ZNF85: variants seen among roughly 807,000 people sequenced by gnomAD.
The protein encoded by ZNF85 is zinc finger protein 85 (HPF4, HTF1).
ZNF85 carries 50 observed loss-of-function variants against 53.9 expected under a neutral mutation model. That is an observed-to-expected ratio of 0.93 (90% CI 0.74 to 1.17). The LOEUF (loss-of-function observed/expected upper bound fraction) is 1.17, where lower values mean the gene tolerates loss of function less well. Ranked by LOEUF, ZNF85 falls within the 50% of genes most tolerant of loss-of-function variation. ZNF85 has a pLI of 0.00. For missense variants in ZNF85, 747 were observed against 688.5 expected, an observed-to-expected ratio of 1.08 and a Z score of -0.95; for synonymous variants, 225 against 226.1, an observed-to-expected ratio of 1.00 and a Z score of 0.04.
intron 3 of ZNF85, among the ~76,000 whole-genome samples, chr19:20,940,635 A>G (rs113309085): frequency 0.012 from 1,815 of 152,276 alleles, 32 homozygotes; most frequent in African/African-American, 0.034. Flanking sequence ...ACCAAACTCA[A>G]TACCCATTAA....
At chr19:20,937,601 A>AT (rs1468546607) in intron 3 of ZNF85, among the ~76,000 whole-genome samples, 1 of 152,216 alleles carries the variant, frequency 6.6e-6, no homozygotes, top group African/African-American at 2.4e-5. Flanking sequence ...GAGTCTGCTA[A>AT]TGGCAGGGCT....
Position 20,949,200 on chromosome 19 carries a change from C to G in ZNF85, c.686C>G (p.Pro229Arg). 7.4e-6 allele frequency: 12 copies of G among 1,613,308 alleles called. No individual in the cohort carries two copies. Among genetic ancestry groups the G allele is most frequent in the Non-Finnish European group, 1.0e-5 (12 of 1,179,730 alleles). The change falls in exon 4 of 4, where the codon CCT becomes CGT. Residue 229 changes from proline to arginine, a missense_variant. By Grantham distance (103) the Pro-to-Arg change is moderately radical. Transcript: ENST00000328178. The part of the protein sequence containing the change: ...KHKRIHTGEK[P>R]YKCEECGKAF... ...AAGAGAATTCATACGGGAGAGAAAC[C>G]TTACAAATGTGAAGAATGTGGTAAA...
At chr19:20,944,182 GC>G (rs1336457979) in intron 3 of ZNF85, 4 of 153,192 alleles carry the variant, frequency 2.6e-5, no homozygotes, top group African/African-American at 9.7e-5. Context: ...TTTTTATGAT[GC>G]TGTTCAGCAT....
At position 20,933,973 on chromosome 19, in the gene ZNF85, G is replaced by A. The variant is rs780075623; in HGVS notation, c.4-51G>A. 183 of 1,077,518 alleles carry A rather than the reference G, an allele frequency of 1.7e-4. No individual in the cohort carries two copies. The East Asian group carries it at 2.5e-3, about 15-fold the overall frequency. The allele number at this position is 1,077,518 out of a possible 1,614,324, so 66.7% of individuals were successfully genotyped here. A position where few individuals can be genotyped will look rare whatever the true frequency, so the allele number is the denominator to read the frequency against. On this transcript the variant is annotated intron_variant, in intron 1 of 3. Transcript: ENST00000328178. Reference sequence around the variant, plus strand: ...TTGGTAATTATGTGTGTGTGTGTGTGTGTGTGTGTGTGTGTGTGTGTGTGT... The same window carrying A: ...TTGGTAATTATGTGTGTGTGTGTGTATGTGTGTGTGTGTGTGTGTGTGTGT...
chr19:20,926,884 AGGAG>A (rs1432385634), intron 1 of ZNF85: 1 of 152,228 alleles, frequency 6.6e-6, no homozygotes, highest in Non-Finnish European at 1.5e-5. Context: ...ATATTGCAAC[AGGAG>A]GAAGTACCAA....
intron 3 of ZNF85, among the ~76,000 whole-genome samples, chr19:20,939,948 C>T (rs1041894349): frequency 3.3e-5 from 5 of 152,130 alleles, no homozygotes; most frequent in African/African-American, 1.2e-4. Flanking sequence ...CCGCCCACCT[C>T]AGCCTCCCAA....
chr19:20,942,661 T>G (rs1008023023), intron 3 of ZNF85: 14 of 561,256 alleles, frequency 2.5e-5, no homozygotes, highest in African/African-American at 2.3e-4. Flanking sequence ...AAGGGTGTGT[T>G]TTATTTTTAC....
At chr19:20,937,451 GGT>G in intron 3 of ZNF85, 1 of 434,112 alleles carries the variant, frequency 2.3e-6, no homozygotes, top group Non-Finnish European at 4.6e-6. Flanking sequence ...AAGGCTGCTG[GGT>G]CTGCACTAGG....
chr19:20,925,387 G>A (rs1972856953), intron 1 of ZNF85, among the ~76,000 whole-genome samples: 1 of 151,428 alleles, frequency 6.6e-6, no homozygotes, highest in South Asian at 2.1e-4. Flanking sequence ...AACCCGGGAG[G>A]TGGAGGTTGC....
In ZNF85 at chr19:20,948,983, A is replaced by G. The variant is rs1296460974; in HGVS notation, c.469A>G (p.Lys157Glu). The change falls in exon 4 of 4, where the codon AAA (lysine) becomes GAA (glutamate). Residue 157 changes from lysine to glutamate, a missense_variant. Coordinates refer to ENST00000328178, the MANE Select transcript of ZNF85 (RefSeq NM_003429.5). ...TGATAAATATGTAAAAGTCGCTCAT[A>G]AATTTTCAAATTCAAACAGACATGA... is the stretch of plus-strand genomic sequence containing the variant. ...QCDKYVKVAH[K>E]FSNSNRHEIR... The G allele has an allele frequency of 1.2e-6, 2 of 1,613,608 alleles. No individual in the cohort carries two copies. Among genetic ancestry groups the G allele is most frequent in the East Asian group, 4.5e-5 (2 of 44,856 alleles).
At chr19:20,947,953 T>G (rs1376968142) in intron 3 of ZNF85, among the ~76,000 whole-genome samples, 1 of 152,054 alleles carries the variant, frequency 6.6e-6, no homozygotes, top group Non-Finnish European at 1.5e-5. Context: ...ATTTTTATGT[T>G]TCTGATGGGG....
In ZNF85 at chr19:20,930,485, C is replaced by G. The variant is rs558758371; in HGVS notation, c.4-3539C>G. 1.4e-4 allele frequency among the ~76,000 whole-genome samples: 21 copies of G among 151,858 alleles called. No individual in the cohort carries two copies. The South Asian group carries it at 2.3e-3, about 17-fold the overall frequency. ...TTAAAAAAAATCAATGACAGAGAAA[C>G]AAGAAGAAATGGAAAGGCAGGGCTC... On this transcript the variant is annotated intron_variant, in intron 1 of 3. Coordinates refer to ENST00000328178, the MANE Select transcript of ZNF85 (RefSeq NM_003429.5).
intron 3 of ZNF85, among the ~76,000 whole-genome samples, chr19:20,941,020 G>A (rs1176886766): frequency 6.6e-6 from 1 of 151,974 alleles, no homozygotes; most frequent in Non-Finnish European, 1.5e-5. Context: ...ATTCATAAAT[G>A]TGATTGCTGT....
chr19:20,927,400 C>T (rs1425503692), intron 1 of ZNF85: 1 of 151,414 alleles, frequency 6.6e-6, no homozygotes, highest in African/African-American at 2.4e-5. Context: ...TTGTTGTGAG[C>T]TGTTATCACG....
At chr19:20,924,841 C>T (rs1972842895) in intron 1 of ZNF85, among the ~76,000 whole-genome samples, 1 of 152,052 alleles carries the variant, frequency 6.6e-6, no homozygotes, top group African/African-American at 2.4e-5. Context: ...TTTTATCTTC[C>T]CTAGGCACAG....
Position 20,949,361 on chromosome 19 carries a change from G to C in ZNF85, c.847G>C (p.Glu283Gln), listed in dbSNP as rs747862146. ...TACCCATAAGATAATTCATACTGGA[G>C]AGAAACCCTACAAATGTAAAGAATG... ...LTTHKIIHTG[E>Q]KPYKCKECGK... is the part of the protein sequence containing the mutation. The change falls in exon 4 of 4, where the codon GAG (glutamate) becomes CAG (glutamine). Residue 283 changes from glutamate (E) to glutamine (Q), a missense_variant. Transcript: ENST00000328178. 1.6e-5 allele frequency: 26 copies of C among 1,609,400 alleles called. 1 individual carries two copies. The South Asian group carries it at 2.8e-4, about 17-fold the overall frequency.
chr19:20,933,373 T>G (rs547078562), intron 1 of ZNF85, among the ~76,000 whole-genome samples: 2 of 109,982 alleles, frequency 1.8e-5, no homozygotes, highest in East Asian at 4.3e-4. Context: ...TTTTTCTTAG[T>G]TTTTTTTTTT....
intron 3 of ZNF85, among the ~76,000 whole-genome samples, chr19:20,946,803 G>T (rs1973433214): frequency 6.6e-6 from 1 of 151,908 alleles, no homozygotes; most frequent in African/African-American, 2.4e-5. Flanking sequence ...CTTCCATCTT[G>T]CCACTTTCAG....
chr19:20,930,120 CA>C lies in ZNF85; in HGVS notation c.4-3882del, dbSNP rs57832039. On this transcript the variant is annotated intron_variant, in intron 1 of 3. Transcript: ENST00000328178. ...TGGGTGACAGAGCAAGACTCCGTCCCAAAAAAAAAAAAAAAAAAAAAAGAAA... is the reference window on the plus strand; with the variant it reads ...TGGGTGACAGAGCAAGACTCCGTCCCAAAAAAAAAAAAAAAAAAAAAGAAA... Among the ~76,000 whole-genome samples, 107 of 79,272 alleles carry C rather than the reference CA, an allele frequency of 1.3e-3. No homozygotes were observed. In the East Asian group the frequency reaches 0.029, roughly 22 times the overall value. 52.0% of individuals were successfully genotyped at this position (79,272 alleles called of 152,430 possible). A position where few individuals can be genotyped will look rare whatever the true frequency, so the allele number is the denominator to read the frequency against.
Sources: gnomAD v4.1 joint callset for allele counts (sites outside exome capture counted in the v4.1 genomes callset) on GRCh38, gnomAD v4.1.1 for gene constraint, MANE v1.5 for transcripts, NCBI Gene and HGNC (gene_info 2026-07-23, HGNC 2026-07-21) for gene names.